Variants in GAK observed in about 807,000 individuals in gnomAD.
GAK encodes the protein cyclin G associated kinase, also known as cyclin-G-associated kinase.
In GAK, 79 loss-of-function variants were observed where a neutral mutation model predicts 143.9. That is an observed-to-expected ratio of 0.55 (90% CI 0.46 to 0.66). The LOEUF is 0.66. Ranked by LOEUF, GAK falls within the 30% of genes least tolerant of loss-of-function variation. The pLI, the probability that GAK is intolerant of heterozygous loss-of-function variation, is 0.00. For synonymous variants in GAK, 881 were observed against 765.5 expected (o/e 1.15, Z -2.49); for missense variants, 1,693 against 1,779.7 (o/e 0.95, Z 0.88).
At chr4:866,083 G>T (rs1751113189) in intron 22 of GAK, among the ~76,000 whole-genome samples, 1 of 152,258 alleles carries the variant, frequency 6.6e-6, no homozygotes, top group Non-Finnish European at 1.5e-5. Context: ...GGCCTGAGGA[G>T]GCCTGGAGAA....
rs532550444 is a variant in GAK, at chr4:882,640, G to A, written c.1527+57C>T. On this transcript the variant is annotated intron_variant, in intron 14 of 27. Transcript: ENST00000314167. ...TGGCGCTCAGATCCTGTTGAACTAT[G>A]CATGAAATAATGAACTTTGACAGAA... The A allele has an allele frequency of 5.8e-5, 92 of 1,592,076 alleles. No individual in the cohort carries two copies. In the East Asian group the frequency reaches 1.9e-3, roughly 33 times the overall value.
intron 1 of GAK, among the ~76,000 whole-genome samples, chr4:928,388 G>T (rs899498859): frequency 1.3e-5 from 2 of 152,174 alleles, no homozygotes; most frequent in African/African-American, 4.8e-5. Context: ...TCTAAGGCTG[G>T]GCACATTATC....
Position 870,840 on chromosome 4 carries a change from C to A in GAK, c.2119G>T (p.Val707Leu). 2.5e-6 allele frequency: 4 copies of A among 1,614,142 alleles called. No homozygotes were observed. Among genetic ancestry groups the A allele is most frequent in the Non-Finnish European group, 3.4e-6 (4 of 1,180,010 alleles). Residue 707 changes from valine to leucine, a missense_variant, in exon 19 of 28, where the codon GTG becomes TTG. Physicochemically the swap from Val to Leu is conservative, Grantham distance 32. Transcript: ENST00000314167. ...GGCCTGTCCCTGGGCTCCACCTCCA[C>A]TTCCAGGTTCACTTGAAATAAATCC... ...YPDLFQVNLE[V>L]EVEPRDRPSR...
intron 24 of GAK, chr4:852,301 C>CTGT: frequency 7.5e-6 from 3 of 398,552 alleles, no homozygotes; most frequent in South Asian, 2.7e-5. Context: ...GTCCCCACGT[C>CTGT]ACCCCCAGGA....
At chr4:883,837 G>A (rs3736084) in intron 12 of GAK, among the ~76,000 whole-genome samples, 200 bp downstream of exon 12, 59,187 of 152,088 alleles carry the variant, frequency 0.39, 11,572 homozygotes, top group Middle Eastern at 0.48. Context: ...CCAGGCTGGC[G>A]CTGACCCTGT....
Position 882,726 on chromosome 4 carries a change from G to T in GAK, c.1498C>A (p.His500Asn), listed in dbSNP as rs750700386. 1 of 1,612,558 alleles carries T rather than the reference G, an allele frequency of 6.2e-7. No individual in the cohort carries two copies. Among genetic ancestry groups the T allele is most frequent in the East Asian group, 2.2e-5 (1 of 44,896 alleles). Residue 500 changes from histidine to asparagine, a missense_variant, in exon 14 of 28, where the codon CAC (histidine) becomes AAC (asparagine). Around this residue, in one of 2 missense-constraint regions of GAK, gnomAD observed 871 missense variants for 991.0 expected, o/e 0.88. Coordinates refer to ENST00000314167, the MANE Select transcript of GAK (RefSeq NM_005255.4). ...RNMHAWLRQDHKNVCVVHCMD... is the reference protein window; with the variant it reads ...RNMHAWLRQDNKNVCVVHCMD... ...CAGTGCACGACGCAGACGTTCTTGT[G>T]GTCCTGCCGCAGCCAGGCGTGCATG...
intron 11 of GAK, chr4:887,859 GCAAT>G (rs1207181258): frequency 6.6e-6 from 1 of 152,390 alleles, no homozygotes; most frequent in African/African-American, 2.4e-5. Context: ...GCTCATACCA[GCAAT>G]CACACACGCC....
intron 6 of GAK, among the ~76,000 whole-genome samples, chr4:897,308 T>C (rs1718991788): frequency 6.6e-6 from 1 of 152,140 alleles, no homozygotes; most frequent in Non-Finnish European, 1.5e-5. Context: ...AATGAGAGCT[T>C]ACGGAAAGCA....
chr4:871,119 G>C (rs555571845), intron 18 of GAK, among the ~76,000 whole-genome samples: 3 of 152,258 alleles, frequency 2.0e-5, no homozygotes, highest in African/African-American at 7.2e-5. Flanking sequence ...CAGCACCCCC[G>C]GTCACGGCCC....
At chr4:883,205 C>T (rs542108741) in intron 13 of GAK, 110 bp downstream of exon 13, 44 of 1,323,472 alleles carry the variant, frequency 3.3e-5, no homozygotes, top group Admixed American at 1.2e-4. Flanking sequence ...AGGAGACCTC[C>T]GGCCGCCCCC....
intron 22 of GAK, 54 bp downstream of exon 22, chr4:866,310 C>T (rs910949650): frequency 1.2e-4 from 191 of 1,549,754 alleles, no homozygotes; most frequent in Admixed American, 4.7e-4. Context: ...CCAGAGGCTG[C>T]GGTCCTGAGG....
chr4:870,640 G>A (rs562061651), intron 19 of GAK, 71 bp downstream of exon 19: 1 of 1,512,456 alleles, frequency 6.6e-7, no homozygotes, highest in African/African-American at 1.4e-5. Context: ...CCAGAGCTCA[G>A]CCAAAGGTGT....
chr4:926,420 C>A (rs1724753619), intron 1 of GAK, among the ~76,000 whole-genome samples: 1 of 152,180 alleles, frequency 6.6e-6, no homozygotes, highest in East Asian at 1.9e-4. Flanking sequence ...CCTAAGGACA[C>A]CTCCCTGGGG....
intron 1 of GAK, among the ~76,000 whole-genome samples, chr4:924,396 C>G (rs1724360467): frequency 6.6e-6 from 1 of 152,100 alleles, no homozygotes; most frequent in South Asian, 2.1e-4. Flanking sequence ...TTGGTTGTTT[C>G]ATGTGAAGTT....
chr4:912,769 T>C lies in GAK; in HGVS notation c.233A>G (p.Lys78Arg). ...AACTTCTTGAATGATGGCTCTGTTC[T>C]TTTCCTCTTCATTGGATAATAGCCT... ...LKRLLSNEEEKNRAIIQEVCF... is the reference protein window; with the variant it reads ...LKRLLSNEEERNRAIIQEVCF... Residue 78 changes from lysine (K) to arginine (R), a missense_variant, in exon 3 of 28, where the codon AAG (lysine) becomes AGG (arginine). Lys to Arg is a conservative substitution (Grantham distance 26). This residue lies in a region of GAK where 871 missense variants were observed against 991.0 expected (regional missense o/e 0.88). Transcript: ENST00000314167. 1 of 1,613,754 alleles carries C rather than the reference T, an allele frequency of 6.2e-7. No individual in the cohort carries two copies. Among genetic ancestry groups the C allele is most frequent in the Non-Finnish European group, 8.5e-7 (1 of 1,179,746 alleles).
chr4:856,277 ACCTCACCACAGCTGCTCACC>A (rs1749142935), intron 24 of GAK, among the ~76,000 whole-genome samples: 9 of 105,088 alleles, frequency 8.6e-5, no homozygotes, highest in African/African-American at 3.0e-4. Flanking sequence ...AACTGCTCAC[ACCTCACCACAGCTGCTCACC>A]CCTGCTCACC....
intron 24 of GAK, among the ~76,000 whole-genome samples, chr4:856,476 C>A (rs1417555554): frequency 1.4e-5 from 2 of 141,886 alleles, no homozygotes; most frequent in African/African-American, 5.3e-5. Context: ...CAGCTGCTCA[C>A]CACCACAGCT....
At chr4:891,521 G>T (rs1218991738) in intron 9 of GAK, among the ~76,000 whole-genome samples, 4 of 152,106 alleles carry the variant, frequency 2.6e-5, no homozygotes, top group African/African-American at 9.7e-5. Flanking sequence ...TTTTCTGGGG[G>T]AGTCGGTTGG....
rs111927896 is a variant in GAK, at chr4:854,122, T to C, written c.3284-2148A>G. ...CGTCTCTCGCCCATTTTCTTTCTTT[T>C]TTTTTTTTTTTTAATTGATCATTCT... is the stretch of plus-strand genomic sequence containing the variant. On this transcript the variant is annotated intron_variant, in intron 24 of 27. Transcript: ENST00000314167. Among the ~76,000 whole-genome samples the C allele has an allele frequency of 5.3e-3, 796 of 151,228 alleles. 6 individuals carry two copies. Among genetic ancestry groups the C allele is most frequent in the African/African-American group, 0.015 (618 of 41,280 alleles).
Sources: gnomAD v4.1 joint callset for allele counts (sites outside exome capture counted in the v4.1 genomes callset) on GRCh38, gnomAD v4.1.1 for gene constraint, gnomAD v4.1.1 regional missense constraint, MANE v1.5 for transcripts, NCBI Gene and HGNC (gene_info 2026-07-23, HGNC 2026-07-21) for gene names.